ASF1B: variants seen among roughly 807,000 people sequenced by gnomAD.
The protein encoded by ASF1B is histone chaperone ASF1B.
A neutral mutation model predicts 16.6 loss-of-function variants in ASF1B; 10 were observed. The ratio of observed to expected loss-of-function variants is 0.60; its 90% CI spans 0.37 to 1.02. The LOEUF (loss-of-function observed/expected upper bound fraction) is 1.02. Among genes scored for constraint, ASF1B ranks in the 50% least tolerant of loss-of-function variants. The pLI, the probability that ASF1B is intolerant of heterozygous loss-of-function variation, is 0.01. For missense variants in ASF1B, 240 were observed against 266.0 expected, an observed-to-expected ratio of 0.90 and a Z score of 0.68; for synonymous variants, 101 against 106.2, an observed-to-expected ratio of 0.95 and a Z score of 0.30.
rs1047669303 is a variant in ASF1B at position 14,119,592 on chromosome 19, A to G, written c.*867T>C. ...TTGATAATATACAAACAGCAATCAC[A>G]ACAGCATCCACATGGCAGCAAGGGG... On this transcript the variant is annotated 3_prime_UTR_variant, in exon 4 of 4. Coordinates refer to ENST00000263382, the MANE Select transcript of ASF1B (RefSeq NM_018154.3). The G allele has an allele frequency of 6.5e-6, 1 of 152,700 alleles. No homozygotes were observed. Among genetic ancestry groups the G allele is most frequent in the Admixed American group, 6.5e-5 (1 of 15,282 alleles). 9.5% of individuals were successfully genotyped at this position (152,700 alleles called of 1,614,324 possible).
intron 2 of ASF1B, among the ~76,000 whole-genome samples, chr19:14,123,316 G>C (rs569443368): frequency 6.6e-6 from 1 of 151,908 alleles, no homozygotes; most frequent in Non-Finnish European, 1.5e-5. Context: ...GAGTGTATCC[G>C]AGCAGAGGAT....
chr19:14,126,336 G>C lies in ASF1B; in HGVS notation c.110-99C>G, dbSNP rs1395236882. On this transcript the variant is annotated intron_variant, in intron 1 of 3. Transcript: ENST00000263382. ...TTTTTTTTTTTTGAGATGGAGTCTC[G>C]TTCTGTCACACAGGTTAGAATACAG... The C allele has an allele frequency of 1.3e-5, 10 of 760,574 alleles. No individual in the cohort carries two copies. In the African/African-American group the frequency reaches 1.6e-4, roughly 12 times the overall value. 47.1% of individuals were successfully genotyped at this position (760,574 alleles called of 1,614,324 possible).
At chr19:14,123,143 A>C (rs1429290862) in intron 2 of ASF1B, among the ~76,000 whole-genome samples, 1 of 152,120 alleles carries the variant, frequency 6.6e-6, no homozygotes, top group Non-Finnish European at 1.5e-5. Flanking sequence ...GTATCGCACC[A>C]AGTGTGGGGT....
chr19:14,131,369 G>C lies in ASF1B; in HGVS notation c.109+4979C>G, dbSNP rs545132186. ...CTGGCTAATTTTTGTATTTAGTAGA[G>C]CCGGGGTTTCACCACGTCGGTTAGG... On this transcript the variant is annotated intron_variant, in intron 1 of 3. Coordinates refer to ENST00000263382, the MANE Select transcript of ASF1B (RefSeq NM_018154.3). 3.8e-4 allele frequency among the ~76,000 whole-genome samples: 57 copies of C among 151,042 alleles called. No individual in the cohort carries two copies. The South Asian group carries it at 0.011, about 28-fold the overall frequency.
intron 2 of ASF1B, among the ~76,000 whole-genome samples, chr19:14,122,818 C>G (rs532726610): frequency 6.6e-6 from 1 of 152,022 alleles, no homozygotes; most frequent in South Asian, 2.1e-4. Context: ...TCAGGCCACC[C>G]GGGGGCCAGC....
chr19:14,133,059 G>C (rs1333548711), intron 1 of ASF1B, among the ~76,000 whole-genome samples: 2 of 151,840 alleles, frequency 1.3e-5, no homozygotes, highest in Non-Finnish European at 2.9e-5. Context: ...GGCGGAGCTT[G>C]CAATGAGCCA....
intron 1 of ASF1B, among the ~76,000 whole-genome samples, chr19:14,134,806 C>T (rs1288872627): frequency 6.6e-6 from 1 of 152,088 alleles, no homozygotes; most frequent in Admixed American, 6.6e-5. Flanking sequence ...GACCTCCAAG[C>T]TCCAGCCGAC....
chr19:14,134,945 G>A (rs1330118483), intron 1 of ASF1B, among the ~76,000 whole-genome samples: 3 of 151,672 alleles, frequency 2.0e-5, no homozygotes, highest in African/African-American at 4.8e-5. Flanking sequence ...AGAAGAAGAC[G>A]GGGCACGGTG....
At chr19:14,129,313 G>T (rs907344759) in intron 1 of ASF1B, among the ~76,000 whole-genome samples, 5 of 152,018 alleles carry the variant, frequency 3.3e-5, no homozygotes, top group Admixed American at 3.3e-4. Flanking sequence ...GGCTGAAATG[G>T]CTCTTTCAAC....
intron 1 of ASF1B, among the ~76,000 whole-genome samples, chr19:14,129,999 C>T (rs551114929): frequency 6.6e-6 from 1 of 151,674 alleles, no homozygotes; most frequent in South Asian, 2.1e-4. Context: ...AGTGAGACTC[C>T]ATCTCTACTA....
chr19:14,128,766 A>G (rs1253781694), intron 1 of ASF1B, among the ~76,000 whole-genome samples: 2 of 151,964 alleles, frequency 1.3e-5, no homozygotes, highest in Non-Finnish European at 2.9e-5. Context: ...CTGTTGATTT[A>G]TTTTTGTTAC....
At chr19:14,124,289 G>A (rs1967286086) in intron 2 of ASF1B, among the ~76,000 whole-genome samples, 1 of 152,116 alleles carries the variant, frequency 6.6e-6, no homozygotes, top group African/African-American at 2.4e-5. Flanking sequence ...AAGTAGCTGG[G>A]ACGACAGGTG....
In ASF1B at chr19:14,122,366, C is replaced by CT. The variant is rs34251080; in HGVS notation, c.226-659dup. Among the ~76,000 whole-genome samples the CT allele has an allele frequency of 1.2e-3, 175 of 144,542 alleles. No homozygotes were observed. In the Middle Eastern group the frequency reaches 0.022, roughly 18 times the overall value. 94.8% of individuals were successfully genotyped at this position (144,542 alleles called of 152,430 possible). On this transcript the variant is annotated intron_variant, in intron 2 of 3. Coordinates refer to ENST00000263382, the MANE Select transcript of ASF1B (RefSeq NM_018154.3). ...ACAGGTGTGAGCCATTGCGCCTGGA[C>CT]TTTTTTTTTTTTTACACAGGGTCTG...
chr19:14,134,844 C>T (rs1379727922), intron 1 of ASF1B, among the ~76,000 whole-genome samples: 1 of 151,942 alleles, frequency 6.6e-6, no homozygotes, highest in Non-Finnish European at 1.5e-5. Context: ...CGTCACAGCT[C>T]AGCCCAATCC....
At chr19:14,133,310 A>T (rs558896110) in intron 1 of ASF1B, among the ~76,000 whole-genome samples, 1 of 152,296 alleles carries the variant, frequency 6.6e-6, no homozygotes, top group African/African-American at 2.4e-5. Flanking sequence ...TCAAAACTTC[A>T]GTGCCAATAC....
intron 2 of ASF1B, among the ~76,000 whole-genome samples, chr19:14,124,709 T>C (rs1452735889): frequency 6.6e-6 from 1 of 152,184 alleles, no homozygotes; most frequent in Non-Finnish European, 1.5e-5. Context: ...AAGGCAACAC[T>C]CTGTCTTCTG....
chr19:14,132,978 G>C (rs889228337), intron 1 of ASF1B, among the ~76,000 whole-genome samples: 15 of 151,860 alleles, frequency 9.9e-5, no homozygotes, highest in African/African-American at 3.4e-4. Flanking sequence ...AAGTTAGCTG[G>C]GCATGGTTTC....
chr19:14,120,755 C>G, intron 3 of ASF1B, 90 bp from the exon 4 acceptor site: 2 of 1,246,302 alleles, frequency 1.6e-6, no homozygotes, highest in South Asian at 1.3e-5. Flanking sequence ...CCATCTCAAG[C>G]CCAGCAAGAG....
chr19:14,121,146 A>G (rs910421898), intron 3 of ASF1B: 1 of 314,130 alleles, frequency 3.2e-6, no homozygotes, highest in Non-Finnish European at 5.8e-6. Flanking sequence ...TTTAAGGGAC[A>G]GTCTCACTCT....
Sources: allele counts gnomAD v4.1 joint callset (sites outside exome capture counted in the v4.1 genomes callset), GRCh38; gene constraint gnomAD v4.1.1; transcripts MANE v1.5; gene names NCBI Gene and HGNC (gene_info 2026-07-23, HGNC 2026-07-21).